NRXN1: variants seen among roughly 807,000 people sequenced by gnomAD.
NRXN1 encodes neurexin 1, also known as neurexin-1.
NRXN1 carries 39 observed loss-of-function variants against 150.9 expected under a neutral mutation model. The ratio of observed to expected loss-of-function variants is 0.26; its 90% confidence interval spans 0.20 to 0.34. The LOEUF (loss-of-function observed/expected upper bound fraction) is 0.34, where lower values mean the gene tolerates loss of function less well. Ranked by LOEUF, NRXN1 falls within the 10% of genes least tolerant of loss-of-function variation. NRXN1 has a pLI of 1.00. For missense variants in NRXN1, 1,815 were observed against 1,949.9 expected, an observed-to-expected ratio of 0.93 and a Z score of 1.30; for synonymous variants, 924 against 757.0, an observed-to-expected ratio of 1.22 and a Z score of -3.62.
At chr2:50,223,102 T>C (rs1390161280) in intron 18 of NRXN1, among the ~76,000 whole-genome samples, 1 of 151,954 alleles carries the variant, frequency 6.6e-6, no homozygotes, top group Non-Finnish European at 1.5e-5. Flanking sequence ...TAAAATATTA[T>C]TGGCCTTCAA....
chr2:50,986,107 TAC>T (rs953167668), intron 2 of NRXN1, among the ~76,000 whole-genome samples: 2 of 151,864 alleles, frequency 1.3e-5, no homozygotes, highest in Admixed American at 1.3e-4. Context: ...TAACTTAACA[TAC>T]AGTTAACTTT....
chr2:50,361,401 T>C (rs2079176931), intron 17 of NRXN1, among the ~76,000 whole-genome samples: 1 of 151,920 alleles, frequency 6.6e-6, no homozygotes, highest in South Asian at 2.1e-4. Context: ...AAGAATCAAA[T>C]AGACACAATA....
At chr2:50,839,215 A>C (rs959476124) in intron 5 of NRXN1, among the ~76,000 whole-genome samples, 13 of 152,114 alleles carry the variant, frequency 8.5e-5, no homozygotes, top group African/African-American at 2.9e-4. Flanking sequence ...CCAATTTCTG[A>C]AGCCTTTTTA....
intron 2 of NRXN1, among the ~76,000 whole-genome samples, chr2:51,023,931 G>A (rs1670021168): frequency 6.6e-6 from 1 of 152,010 alleles, no homozygotes; most frequent in East Asian, 1.9e-4. Flanking sequence ...CGTGTTTATG[G>A]CCATTTAAAT....
At chr2:50,005,699 T>C (rs1336768666) in intron 21 of NRXN1, among the ~76,000 whole-genome samples, 1 of 152,162 alleles carries the variant, frequency 6.6e-6, no homozygotes, top group Non-Finnish European at 1.5e-5. Flanking sequence ...ATAGAGTTTT[T>C]AATATTCTCT....
intron 15 of NRXN1, among the ~76,000 whole-genome samples, chr2:50,489,863 G>A (rs2091141776): frequency 6.8e-6 from 1 of 146,594 alleles, no homozygotes; most frequent in Admixed American, 6.6e-5. Flanking sequence ...CAAACCAAAT[G>A]TTGGATAGCA....
chr2:50,897,383 T>C (rs1425731825), intron 5 of NRXN1, among the ~76,000 whole-genome samples: 1 of 152,186 alleles, frequency 6.6e-6, no homozygotes, highest in African/African-American at 2.4e-5. Context: ...AGGACCATTC[T>C]AAAACTTATC....
At chr2:50,287,200 G>C (rs892704489) in intron 17 of NRXN1, among the ~76,000 whole-genome samples, 1 of 151,994 alleles carries the variant, frequency 6.6e-6, no homozygotes, top group African/African-American at 2.4e-5. Flanking sequence ...TGTGTACCTA[G>C]GTCTCACATT....
chr2:50,171,986 TTTACTCAATCCACTCTTACACAAA>T lies in NRXN1; in HGVS notation c.3546+64779_3546+64802del, dbSNP rs1351291247. Among the ~76,000 whole-genome samples, 5 of 152,284 alleles carry T rather than the reference TTTACTCAATCCACTCTTACACAAA, an allele frequency of 3.3e-5. No individual in the cohort carries two copies. In the East Asian group the frequency reaches 5.8e-4, roughly 18 times the overall value. ...AAACAGATGAATAGTCATGACCCTCTTTACTCAATCCACTCTTACACAAATGTCTATGCAACTACAGAAGAGAAT... is the reference window on the plus strand; with the variant it reads ...AAACAGATGAATAGTCATGACCCTCTTGTCTATGCAACTACAGAAGAGAAT... On this transcript the variant is annotated intron_variant, in intron 18 of 22. Transcript: ENST00000401669.
intron 5 of NRXN1, among the ~76,000 whole-genome samples, chr2:50,764,579 T>C (rs536266057): frequency 1.1e-4 from 16 of 152,082 alleles, no homozygotes; most frequent in African/African-American, 3.6e-4. Context: ...GTTATATGCT[T>C]ATCGTTATAC....
In NRXN1 at chr2:50,610,441, T is replaced by C. The variant is rs77307153; in HGVS notation, c.1320+9581A>G. Among the ~76,000 whole-genome samples, 833 of 151,442 alleles carry C rather than the reference T, an allele frequency of 5.5e-3. 10 individuals carry two copies. The highest frequency in any genetic ancestry group is 0.019 in the African/African-American group (788 of 41,316). On this transcript the variant is annotated intron_variant, in intron 8 of 22. Transcript: ENST00000401669. ...TTACTTGATTACCTTGTCTTTGAAA[T>C]TATTACTAATGTCCTCTGCAAAGCT...
chr2:50,787,554 T>C (rs1047527720), intron 5 of NRXN1, among the ~76,000 whole-genome samples: 2 of 151,336 alleles, frequency 1.3e-5, no homozygotes, highest in Non-Finnish European at 2.9e-5. Context: ...CGAAACTCCA[T>C]CTAAAAAAAG....
At chr2:51,026,080 A>G (rs1028835225) in intron 2 of NRXN1, among the ~76,000 whole-genome samples, 1 of 152,164 alleles carries the variant, frequency 6.6e-6, no homozygotes, top group African/African-American at 2.4e-5. Flanking sequence ...ATTTCTCTTA[A>G]AGTCAAGTGA....
chr2:50,342,924 A>T (rs572591450), intron 17 of NRXN1, among the ~76,000 whole-genome samples: 1 of 152,302 alleles, frequency 6.6e-6, no homozygotes, highest in Admixed American at 6.5e-5. Flanking sequence ...ATCACATTCA[A>T]ACTCACTCTG....
chr2:50,267,478 G>A (rs1448466783), intron 17 of NRXN1, among the ~76,000 whole-genome samples: 1 of 151,984 alleles, frequency 6.6e-6, no homozygotes, highest in Non-Finnish European at 1.5e-5. Flanking sequence ...CATCCTGAAG[G>A]GCCCCAAAGT....
chr2:50,127,340 T>C (rs1704747184), intron 18 of NRXN1, among the ~76,000 whole-genome samples: 1 of 152,164 alleles, frequency 6.6e-6, no homozygotes, highest in Admixed American at 6.5e-5. Context: ...CTCAAAGTAT[T>C]AGTACATAAA....
chr2:50,994,936 C>T (rs1699045202), intron 2 of NRXN1, among the ~76,000 whole-genome samples: 1 of 151,850 alleles, frequency 6.6e-6, no homozygotes, highest in Non-Finnish European at 1.5e-5. Flanking sequence ...AATTCATTCT[C>T]AATATGATTT....
At chr2:49,941,558 T>A (rs1335196035) in intron 22 of NRXN1, among the ~76,000 whole-genome samples, 2 of 152,062 alleles carry the variant, frequency 1.3e-5, no homozygotes, top group Non-Finnish European at 2.9e-5. Context: ...TAAGTGCAAT[T>A]AGTTACTGTG....
chr2:50,613,097 T>C (rs141166985), intron 8 of NRXN1, among the ~76,000 whole-genome samples: 37 of 152,318 alleles, frequency 2.4e-4, no homozygotes, highest in African/African-American at 8.2e-4. Context: ...TCTAGCTTTC[T>C]TGTTAAAGTT....
Sources: allele counts gnomAD v4.1 joint callset (sites outside exome capture counted in the v4.1 genomes callset), GRCh38; gene constraint gnomAD v4.1.1; transcripts MANE v1.5; gene names NCBI Gene and HGNC (gene_info 2026-07-23, HGNC 2026-07-21).